The following CPED1 variants were observed in gnomAD, a reference collection of about 807,000 sequenced individuals.
CPED1 encodes cadherin-like and PC-esterase domain-containing protein 1.
Under a neutral mutation model 128.2 loss-of-function variants are expected in CPED1, and 114 were observed. That is an observed-to-expected ratio of 0.89 (90% CI 0.76 to 1.04). The LOEUF is 1.04. Among genes scored for constraint, CPED1 ranks in the 50% least tolerant of loss-of-function variants. The pLI is 0.00. For synonymous variants in CPED1, 462 were observed against 426.7 expected (o/e 1.08, Z -1.02); for missense variants, 1,211 against 1,207.1 (o/e 1.00, Z -0.05).
rs534236706 is a variant in CPED1, at chr7:121,131,558, T to C, written c.1577+1264T>C. On this transcript the variant is annotated intron_variant, in intron 12 of 22. Coordinates refer to ENST00000310396, the MANE Select transcript of CPED1 (RefSeq NM_024913.5). Reference sequence around the variant, plus strand: ...GATACTCAAACTTTGGAAAGTTTGTTCCCAAGCAAATTTTTCTCAAGCTCC... The same window carrying C: ...GATACTCAAACTTTGGAAAGTTTGTCCCCAAGCAAATTTTTCTCAAGCTCC... Among the ~76,000 whole-genome samples the C allele has an allele frequency of 3.3e-5, 5 of 151,904 alleles. 1 individual carries two copies. Among genetic ancestry groups the C allele is most frequent in the African/African-American group, 1.2e-4 (5 of 41,480 alleles).
At chr7:121,160,285 T>C (rs1796384793) in intron 16 of CPED1, among the ~76,000 whole-genome samples, 1 of 152,120 alleles carries the variant, frequency 6.6e-6, no homozygotes, top group African/African-American at 2.4e-5. Context: ...TCCCTGTGCA[T>C]GAAGGTTGTA....
intron 18 of CPED1, among the ~76,000 whole-genome samples, chr7:121,256,397 G>A (rs865904756): frequency 1.9e-4 from 29 of 151,908 alleles, no homozygotes; most frequent in African/African-American, 6.8e-4. Flanking sequence ...GAATGAAACC[G>A]GACCCTTACT....
At chr7:121,110,804 C>G (rs1795090685) in intron 7 of CPED1, among the ~76,000 whole-genome samples, 1 of 152,156 alleles carries the variant, frequency 6.6e-6, no homozygotes. Flanking sequence ...TTGTGGAGAA[C>G]AGATTGAAGA....
chr7:121,065,729 T>A (rs1258118705), intron 5 of CPED1, among the ~76,000 whole-genome samples: 3 of 152,236 alleles, frequency 2.0e-5, no homozygotes, highest in Middle Eastern at 3.4e-3. Flanking sequence ...AAGAAGTATT[T>A]TCTATCTTCT....
At chr7:121,107,967 A>G (rs927254567) in intron 7 of CPED1, among the ~76,000 whole-genome samples, 2 of 152,136 alleles carry the variant, frequency 1.3e-5, no homozygotes, top group African/African-American at 4.8e-5. Context: ...TGATTTATTC[A>G]TTGTAAGTTT....
chr7:121,033,399 A>G (rs998071562), intron 3 of CPED1, among the ~76,000 whole-genome samples: 10 of 152,324 alleles, frequency 6.6e-5, no homozygotes, highest in Middle Eastern at 3.4e-3. Context: ...TTCATCACCT[A>G]GATGTCGGAT....
chr7:121,247,209 G>A (rs866179232), intron 18 of CPED1, among the ~76,000 whole-genome samples: 5 of 152,154 alleles, frequency 3.3e-5, no homozygotes, highest in South Asian at 2.1e-4. Flanking sequence ...GAATAATCCC[G>A]TTGATGTAAA....
intron 18 of CPED1, among the ~76,000 whole-genome samples, chr7:121,253,478 A>T (rs945767514): frequency 3.3e-5 from 5 of 151,114 alleles, no homozygotes; most frequent in African/African-American, 4.9e-5. Flanking sequence ...TAAAATAAAA[A>T]AAAGGAACAT....
At chr7:121,233,232 A>G (rs565314640) in intron 16 of CPED1, among the ~76,000 whole-genome samples, 15 of 152,240 alleles carry the variant, frequency 9.9e-5, no homozygotes, top group African/African-American at 3.6e-4. Flanking sequence ...ATGACAATCT[A>G]CTCTGGAGTT....
intron 2 of CPED1, among the ~76,000 whole-genome samples, chr7:121,002,254 AT>A (rs1324898916): frequency 6.6e-6 from 1 of 152,146 alleles, no homozygotes; most frequent in East Asian, 1.9e-4. Context: ...TCTAGTATTA[AT>A]TTAGCCAAAG....
At chr7:121,175,390 T>A (rs560837125) in intron 16 of CPED1, among the ~76,000 whole-genome samples, 1 of 152,224 alleles carries the variant, frequency 6.6e-6, no homozygotes, top group African/African-American at 2.4e-5. Flanking sequence ...AGAAAAACTT[T>A]CAATAAAATT....
rs149830799 is a variant in CPED1 at position 121,160,245 on chromosome 7, C to T, written c.2055+18104C>T. 6.6e-3 allele frequency among the ~76,000 whole-genome samples: 1,008 copies of T among 152,220 alleles called. 11 individuals carry two copies. The highest frequency in any genetic ancestry group is 0.023 in the African/African-American group (935 of 41,524). On this transcript the variant is annotated intron_variant, in intron 16 of 22. Coordinates refer to ENST00000310396, the MANE Select transcript of CPED1 (RefSeq NM_024913.5). ...ATTACATTATATCACTATGACATTA[C>T]ATCACTATTGCATCAGAATAGTGTT...
chr7:121,292,959 C>G (rs1290260721), intron 22 of CPED1, among the ~76,000 whole-genome samples: 1 of 152,120 alleles, frequency 6.6e-6, no homozygotes, highest in African/African-American at 2.4e-5. Flanking sequence ...TCTGTCGACC[C>G]CTGCTGGAAA....
intron 5 of CPED1, among the ~76,000 whole-genome samples, chr7:121,078,650 G>GGA (rs1435532369): frequency 1.3e-5 from 2 of 152,056 alleles, no homozygotes; most frequent in Non-Finnish European, 1.5e-5. Context: ...TCCACATGAT[G>GGA]GAGAAGATGG....
intron 22 of CPED1, among the ~76,000 whole-genome samples, chr7:121,279,038 A>G (rs112538062): frequency 0.01 from 1,572 of 152,198 alleles, 24 homozygotes; most frequent in African/African-American, 0.036. Context: ...AGTTTGAACT[A>G]TTTTGATTAC....
At chr7:121,137,491 C>T (rs936246974) in intron 14 of CPED1, among the ~76,000 whole-genome samples, 12 of 151,810 alleles carry the variant, frequency 7.9e-5, no homozygotes, top group South Asian at 2.1e-4. Context: ...TATTAATAGA[C>T]GTCTTTGAAT....
intron 3 of CPED1, among the ~76,000 whole-genome samples, chr7:121,045,620 A>G (rs1178561708): frequency 6.6e-6 from 1 of 152,138 alleles, no homozygotes. Flanking sequence ...GTTACTTTGT[A>G]GCCTTTTAGA....
intron 4 of CPED1, among the ~76,000 whole-genome samples, chr7:121,059,075 G>A (rs539043748): frequency 4.0e-4 from 61 of 152,312 alleles, no homozygotes; most frequent in African/African-American, 1.5e-3. Flanking sequence ...AAAGTGAAGC[G>A]AGGTCCATTA....
intron 3 of CPED1, among the ~76,000 whole-genome samples, chr7:121,044,786 T>C (rs1793151794): frequency 3.3e-5 from 5 of 152,000 alleles, no homozygotes. Context: ...AGCTTAAATA[T>C]ATATTTCTAT....
Sources: gnomAD v4.1 joint callset for allele counts (sites outside exome capture counted in the v4.1 genomes callset) on GRCh38, gnomAD v4.1.1 for gene constraint, MANE v1.5 for transcripts, NCBI Gene and HGNC (gene_info 2026-07-23, HGNC 2026-07-21) for gene names.